Variants in NKAIN2 observed in about 807,000 individuals in gnomAD.
The protein encoded by NKAIN2 is sodium/potassium-transporting ATPase subunit beta-1-interacting protein 2.
NKAIN2 carries 14 observed loss-of-function variants against 32.6 expected under a neutral mutation model. That is an observed-to-expected ratio of 0.43 (90% confidence interval 0.28 to 0.67). NKAIN2 has a LOEUF of 0.67. NKAIN2 is among the 30% of genes least tolerant of loss of function. The pLI, the probability that NKAIN2 is intolerant of heterozygous loss-of-function variation, is 0.17. For missense variants in NKAIN2, 198 were observed against 258.3 expected (o/e 0.77, Z 1.60); for synonymous variants, 80 against 87.2 (o/e 0.92, Z 0.46).
chr6:124,152,363 A>G (rs1025476033), intron 1 of NKAIN2, among the ~76,000 whole-genome samples: 48 of 151,956 alleles, frequency 3.2e-4, no homozygotes, highest in African/African-American at 1.1e-3. Flanking sequence ...GTTTCACAAT[A>G]AGTCTTGAAA....
At chr6:124,519,317 GTC>G (rs1235843846) in intron 3 of NKAIN2, among the ~76,000 whole-genome samples, 3 of 152,142 alleles carry the variant, frequency 2.0e-5, no homozygotes, top group African/African-American at 7.2e-5. Context: ...TGGCTGGATG[GTC>G]TCTCAGTAAG....
chr6:124,469,830 G>T (rs1776903835), intron 3 of NKAIN2, among the ~76,000 whole-genome samples: 1 of 152,062 alleles, frequency 6.6e-6, no homozygotes, highest in Non-Finnish European at 1.5e-5. Flanking sequence ...ACCCTGCACT[G>T]GCCTGGAATT....
At chr6:124,723,164 T>C (rs1052562374) in intron 4 of NKAIN2, among the ~76,000 whole-genome samples, 3 of 152,236 alleles carry the variant, frequency 2.0e-5, no homozygotes, top group Non-Finnish European at 4.4e-5. Flanking sequence ...ACAGAATAGT[T>C]GATATAATAA....
intron 3 of NKAIN2, among the ~76,000 whole-genome samples, chr6:124,559,690 AT>A (rs1413005007): frequency 6.6e-6 from 1 of 151,844 alleles, no homozygotes; most frequent in Non-Finnish European, 1.5e-5. Flanking sequence ...GCTCTGTCAC[AT>A]TTTTTCCTCC....
At position 124,444,272 on chromosome 6, in the gene NKAIN2, A is replaced by G. The variant is rs1400645687; in HGVS notation, c.273+88925A>G. Among the ~76,000 whole-genome samples the G allele has an allele frequency of 2.0e-5, 3 of 152,206 alleles. No individual in the cohort carries two copies. The East Asian group carries it at 5.8e-4, about 29-fold the overall frequency. On this transcript the variant is annotated intron_variant, in intron 3 of 6. Transcript: ENST00000368417. ...TTCTATCTTATAAAAATAGATTCTT[A>G]GGACCCTTACAACTTCAAAAAAATG...
intron 4 of NKAIN2, among the ~76,000 whole-genome samples, chr6:124,748,715 TTG>T (rs1319678026): frequency 6.6e-6 from 1 of 151,898 alleles, no homozygotes; most frequent in Non-Finnish European, 1.5e-5. Flanking sequence ...ACACTGGGTT[TTG>T]TGTCTTTATC....
chr6:123,965,565 A>T (rs565897978), intron 1 of NKAIN2, among the ~76,000 whole-genome samples: 1 of 152,226 alleles, frequency 6.6e-6, no homozygotes, highest in Admixed American at 6.5e-5. Flanking sequence ...CATATGCTTG[A>T]TTCTCCTACT....
intron 3 of NKAIN2, among the ~76,000 whole-genome samples, chr6:124,488,983 A>G (rs1777759401): frequency 6.6e-6 from 1 of 151,874 alleles, no homozygotes; most frequent in African/African-American, 2.4e-5. Context: ...AACACATCTG[A>G]TATAGTTTAA....
intron 2 of NKAIN2, among the ~76,000 whole-genome samples, chr6:124,308,224 G>A (rs2689904): frequency 0.055 from 8,154 of 149,582 alleles, 580 homozygotes; most frequent in African/African-American, 0.17. Flanking sequence ...TTCCACTTAC[G>A]AGTGAGAACA....
At chr6:124,549,150 A>G (rs1780199753) in intron 3 of NKAIN2, among the ~76,000 whole-genome samples, 1 of 152,088 alleles carries the variant, frequency 6.6e-6, no homozygotes, top group Non-Finnish European at 1.5e-5. Context: ...GTGGATCATG[A>G]GGTCAGGAGT....
At chr6:123,884,526 C>T (rs1293693533) in intron 1 of NKAIN2, among the ~76,000 whole-genome samples, 2 of 152,118 alleles carry the variant, frequency 1.3e-5, no homozygotes, top group Non-Finnish European at 2.9e-5. Context: ...TCTTACACTT[C>T]TAATTACCCC....
intron 1 of NKAIN2, among the ~76,000 whole-genome samples, chr6:123,887,076 GTTAA>G (rs1582716824): frequency 6.6e-6 from 1 of 152,122 alleles, no homozygotes; most frequent in Non-Finnish European, 1.5e-5. Flanking sequence ...GAACAACAAA[GTTAA>G]TTAGACTATT....
rs537167022 is a variant in NKAIN2 at position 124,821,060 on chromosome 6, C to T, written c.618-2160C>T. On this transcript the variant is annotated intron_variant, in intron 6 of 6. Transcript: ENST00000368417. ...CTGTAATCCTAGCACTTTGGGAGGC[C>T]GAGACAGGTGGATCACCTGAGGTCA... Among the ~76,000 whole-genome samples the T allele has an allele frequency of 7.2e-5, 11 of 152,068 alleles. No individual in the cohort carries two copies. The South Asian group carries it at 1.2e-3, about 17-fold the overall frequency.
rs575251862 is a variant in NKAIN2 at position 124,193,845 on chromosome 6, C to T, written c.55-89160C>T. On this transcript the variant is annotated intron_variant, in intron 1 of 6. Transcript: ENST00000368417. ...TTCAGGTCCTAGCAGAGGGGAAACC[C>T]TAGAGTGGGTAGCTCCTCTTGGCAG... Among the ~76,000 whole-genome samples the T allele has an allele frequency of 1.2e-4, 19 of 152,034 alleles. 1 individual carries two copies. The South Asian group carries it at 3.9e-3, about 32-fold the overall frequency.
chr6:124,759,655 A>ACACACACC (rs1562367638), intron 4 of NKAIN2, among the ~76,000 whole-genome samples: 3 of 53,078 alleles, frequency 5.7e-5, no homozygotes, highest in African/African-American at 1.7e-4. Flanking sequence ...ACACACACAC[A>ACACACACC]CCCCCTATCT....
intron 1 of NKAIN2, among the ~76,000 whole-genome samples, chr6:123,939,117 G>T (rs149054275): frequency 6.1e-4 from 93 of 152,038 alleles, no homozygotes; most frequent in African/African-American, 2.2e-3. Flanking sequence ...GAGTTTGCAA[G>T]GATCTAGACA....
At chr6:123,885,575 G>A (rs887718996) in intron 1 of NKAIN2, among the ~76,000 whole-genome samples, 8 of 152,012 alleles carry the variant, frequency 5.3e-5, no homozygotes, top group East Asian at 1.9e-4. Flanking sequence ...GAAAATGATC[G>A]TGGATAATGG....
At chr6:124,533,010 G>A (rs1274055756) in intron 3 of NKAIN2, among the ~76,000 whole-genome samples, 1 of 152,190 alleles carries the variant, frequency 6.6e-6, no homozygotes, top group Admixed American at 6.5e-5. Flanking sequence ...GGTGGGGTTA[G>A]TGTCTGAGTG....
chr6:124,521,283 A>G (rs551410963), intron 3 of NKAIN2, among the ~76,000 whole-genome samples: 2 of 152,316 alleles, frequency 1.3e-5, no homozygotes, highest in South Asian at 2.1e-4. Context: ...GGTGTTTTCT[A>G]TACATCTTTT....
Sources: allele counts gnomAD v4.1 joint callset (sites outside exome capture counted in the v4.1 genomes callset), GRCh38; gene constraint gnomAD v4.1.1; transcripts MANE v1.5; gene names NCBI Gene and HGNC (gene_info 2026-07-23, HGNC 2026-07-21).